Variants in LRRC69 observed in about 807,000 individuals in gnomAD.
The protein encoded by LRRC69 is leucine rich repeat containing 69.
LRRC69 carries 42 observed loss-of-function variants against 37.8 expected under a neutral mutation model. The observed-to-expected ratio is 1.11, with a 90% confidence interval of 0.87 to 1.44. The LOEUF (loss-of-function observed/expected upper bound fraction) is 1.44. LRRC69 is among the 40% of genes most tolerant of loss of function. The pLI, the probability that LRRC69 is intolerant of heterozygous loss-of-function variation, is 0.00. For missense variants in LRRC69, 357 were observed against 401.9 expected (o/e 0.89, Z 0.96); for synonymous variants, 141 against 143.1 (o/e 0.99, Z 0.11).
At chr8:91,192,531 T>C (rs868170300) in intron 6 of LRRC69, among the ~76,000 whole-genome samples, 36 of 151,006 alleles carry the variant, frequency 2.4e-4, no homozygotes, top group Middle Eastern at 3.4e-3. Context: ...TTTTAATGAT[T>C]GCCATTCTAA....
intron 7 of LRRC69, among the ~76,000 whole-genome samples, chr8:91,213,285 A>G (rs377441830): frequency 9.4e-4 from 143 of 152,270 alleles, no homozygotes; most frequent in African/African-American, 3.3e-3. Flanking sequence ...TGGAATGACC[A>G]TATAATGTGT....
chr8:91,189,311 GC>G (rs35959737), intron 5 of LRRC69, among the ~76,000 whole-genome samples: 1 of 152,086 alleles, frequency 6.6e-6, no homozygotes. Context: ...GGCCATTCAT[GC>G]CACCATTAAA....
chr8:91,118,042 G>C (rs1160999778), intron 1 of LRRC69, among the ~76,000 whole-genome samples: 2 of 151,850 alleles, frequency 1.3e-5, no homozygotes, highest in East Asian at 3.9e-4. Flanking sequence ...TATGATTGCT[G>C]TGAGAAGAAT....
intron 1 of LRRC69, among the ~76,000 whole-genome samples, chr8:91,106,620 T>TA (rs1473971952): frequency 1.3e-5 from 2 of 152,022 alleles, no homozygotes; most frequent in African/African-American, 4.8e-5. Flanking sequence ...CCAGTAAATA[T>TA]AAAATGAGGT....
intron 7 of LRRC69, among the ~76,000 whole-genome samples, chr8:91,202,191 G>A (rs761616871): frequency 4.6e-5 from 7 of 151,996 alleles, no homozygotes; most frequent in African/African-American, 1.5e-4. Flanking sequence ...AGGCAACAGA[G>A]CGAGACTCTG....
At chr8:91,160,554 A>G (rs1027182955) in intron 5 of LRRC69, among the ~76,000 whole-genome samples, 2 of 151,040 alleles carry the variant, frequency 1.3e-5, no homozygotes, top group East Asian at 2.0e-4. Flanking sequence ...TTCTTGTGAT[A>G]GTGAGTTCTT....
At chr8:91,193,851 G>C (rs1809545686) in intron 6 of LRRC69, among the ~76,000 whole-genome samples, 1 of 132,188 alleles carries the variant, frequency 7.6e-6, no homozygotes, top group Admixed American at 8.1e-5. Context: ...TCCTTCTCCT[G>C]CCTAATTGCC....
chr8:91,115,791 G>A (rs1813500658), intron 1 of LRRC69, among the ~76,000 whole-genome samples: 2 of 151,770 alleles, frequency 1.3e-5, no homozygotes, highest in South Asian at 2.1e-4. Context: ...ACTATGGTTA[G>A]TGAGTTCTGA....
intron 6 of LRRC69, among the ~76,000 whole-genome samples, chr8:91,195,992 C>A (rs551478321): frequency 6.6e-6 from 1 of 152,322 alleles, no homozygotes. Flanking sequence ...CCAGTTGTTC[C>A]TTTCCATGTT....
intron 7 of LRRC69, among the ~76,000 whole-genome samples, chr8:91,213,176 G>A (rs995205028): frequency 2.6e-5 from 4 of 152,154 alleles, no homozygotes; most frequent in Admixed American, 6.6e-5. Context: ...GGACCACTGT[G>A]TGGGGAAGGG....
chr8:91,106,210 C>T (rs1219174771), intron 1 of LRRC69, among the ~76,000 whole-genome samples: 1 of 152,032 alleles, frequency 6.6e-6, no homozygotes, highest in Admixed American at 6.6e-5. Flanking sequence ...TGGCTATAGT[C>T]ATACCGTTTA....
chr8:91,132,497 T>C (rs1675148884), intron 3 of LRRC69, among the ~76,000 whole-genome samples: 1 of 152,080 alleles, frequency 6.6e-6, no homozygotes, highest in Non-Finnish European at 1.5e-5. Context: ...GTCAGTTCTT[T>C]AGAAAAACTT....
intron 7 of LRRC69, among the ~76,000 whole-genome samples, chr8:91,218,409 C>T (rs1810096095): frequency 6.6e-6 from 1 of 151,736 alleles, no homozygotes; most frequent in South Asian, 2.1e-4. Flanking sequence ...TGCCTGAGAC[C>T]CAGCCAGTGA....
intron 6 of LRRC69, among the ~76,000 whole-genome samples, chr8:91,200,299 G>T (rs1185296693): frequency 6.6e-6 from 1 of 152,192 alleles, no homozygotes; most frequent in Non-Finnish European, 1.5e-5. Context: ...GTAATGAGAG[G>T]TGCCAGATTT....
chr8:91,180,369 T>C (rs539340347), intron 5 of LRRC69, among the ~76,000 whole-genome samples: 22 of 152,290 alleles, frequency 1.4e-4, no homozygotes, highest in Non-Finnish European at 2.9e-4. Context: ...CAGAGCTACC[T>C]GAATATTCTT....
At chr8:91,197,346 T>C (rs1467254828) in intron 6 of LRRC69, among the ~76,000 whole-genome samples, 1 of 152,214 alleles carries the variant, frequency 6.6e-6, no homozygotes, top group African/African-American at 2.4e-5. Flanking sequence ...CAGGCAGGCC[T>C]CCTGGAGCTG....
chr8:91,156,645 A>C lies in LRRC69; in HGVS notation c.651+20906A>C, dbSNP rs187964379. On this transcript the variant is annotated intron_variant, in intron 5 of 7. Transcript: ENST00000448384. ...GTATTTTTTAATTCTCTTTTTAAAAAAAATATTCTTTCTATTTTGATTTTG... is the reference window on the plus strand; with the variant it reads ...GTATTTTTTAATTCTCTTTTTAAAACAAATATTCTTTCTATTTTGATTTTG... 4.5e-3 allele frequency among the ~76,000 whole-genome samples: 684 copies of C among 151,132 alleles called. 10 individuals carry two copies. Among genetic ancestry groups the C allele is most frequent in the South Asian group, 0.022 (107 of 4,800 alleles).
chr8:91,194,610 T>C (rs1210095706), intron 6 of LRRC69, among the ~76,000 whole-genome samples: 3 of 151,872 alleles, frequency 2.0e-5, no homozygotes, highest in Non-Finnish European at 4.4e-5. Context: ...ATCCATTTCT[T>C]CTAGATTTTC....
chr8:91,178,374 T>C (rs1214729256), intron 5 of LRRC69, among the ~76,000 whole-genome samples: 1 of 152,232 alleles, frequency 6.6e-6, no homozygotes, highest in Non-Finnish European at 1.5e-5. Context: ...TAACTTGTTC[T>C]GAGTTACCTT....
Sources: gnomAD v4.1 joint callset for allele counts (sites outside exome capture counted in the v4.1 genomes callset) on GRCh38, gnomAD v4.1.1 for gene constraint, MANE v1.5 for transcripts, NCBI Gene and HGNC (gene_info 2026-07-23, HGNC 2026-07-21) for gene names.